The following ZNF407 variants were observed in gnomAD, a reference collection of about 807,000 sequenced individuals.
ZNF407 encodes zinc finger protein 407.
A neutral mutation model predicts 131.2 loss-of-function variants in ZNF407; 17 were observed. That is an observed-to-expected ratio of 0.13 (90% confidence interval 0.09 to 0.19). ZNF407 has a LOEUF of 0.19. ZNF407 is among the 10% of genes least tolerant of loss of function. The probability of loss-of-function intolerance (pLI) is 1.00; values close to 1 mark genes in which losing one functional copy is unlikely to be tolerated. For synonymous variants in ZNF407, 1,156 were observed against 1,062.0 expected, an observed-to-expected ratio of 1.09 and a Z score of -1.72; for missense variants, 2,681 against 2,830.6, an observed-to-expected ratio of 0.95 and a Z score of 1.20.
intron 4 of ZNF407, among the ~76,000 whole-genome samples, chr18:74,825,758 CCTT>C (rs1360630350): frequency 6.6e-6 from 1 of 152,102 alleles, no homozygotes; most frequent in Non-Finnish European, 1.5e-5. Flanking sequence ...TGTGATCATG[CCTT>C]CTTAGCATTA....
chr18:74,833,304 T>C (rs1377587941), intron 4 of ZNF407, among the ~76,000 whole-genome samples: 1 of 152,232 alleles, frequency 6.6e-6, no homozygotes, highest in African/African-American at 2.4e-5. Flanking sequence ...TCCTGTTCTC[T>C]AGTGAGATTA....
At chr18:74,768,649 GTA>G (rs1181119318) in intron 3 of ZNF407, among the ~76,000 whole-genome samples, 1 of 152,080 alleles carries the variant, frequency 6.6e-6, no homozygotes, top group East Asian at 1.9e-4. Flanking sequence ...TCTGTATACT[GTA>G]TATAGATAGA....
In ZNF407 at chr18:75,063,202, C is replaced by T. The variant is rs1029149563; in HGVS notation, c.5481C>T (p.Phe1827=). 4.3e-6 allele frequency: 7 copies of T among 1,610,856 alleles called. No homozygotes were observed. Among genetic ancestry groups the T allele is most frequent in the Admixed American group, 3.4e-5 (2 of 59,628 alleles). Residue 1827 remains phenylalanine (F), a synonymous_variant, in exon 9 of 9, where the codon TTC becomes TTT. Coordinates refer to ENST00000299687, the MANE Select transcript of ZNF407 (RefSeq NM_017757.3). This position sits in a 1 kb window ranked among gnomAD's most constrained non-coding sequence, Gnocchi z 6.6. ...GTCTAAAGGGACAAGGAGCCACCTTCGTGGAGACAGACAGCCCCTTCACCG... is the reference window on the plus strand; with the variant it reads ...GTCTAAAGGGACAAGGAGCCACCTTTGTGGAGACAGACAGCCCCTTCACCG... The part of the protein sequence containing the change: ...ECRLKGQGAT[F]VETDSPFTAA...
At chr18:74,780,639 C>G (rs1347489784) in intron 3 of ZNF407, among the ~76,000 whole-genome samples, 1 of 152,088 alleles carries the variant, frequency 6.6e-6, no homozygotes, top group African/African-American at 2.4e-5. Flanking sequence ...AAAGTTACAG[C>G]AGTAAATTTT....
intron 3 of ZNF407, among the ~76,000 whole-genome samples, chr18:74,730,324 A>G (rs1599106099): frequency 1.3e-5 from 2 of 152,190 alleles, no homozygotes; most frequent in East Asian, 3.8e-4. Context: ...ATTCTGTTAC[A>G]TTATCAGTCA....
Position 74,831,498 on chromosome 18 carries a change from A to G in ZNF407, c.4878-45699A>G, listed in dbSNP as rs75623563. ...TTTGACAATTGTAGGAACCTTATGT[A>G]AGTGCAGTCTTATAGTATTTGTCCT... On this transcript the variant is annotated intron_variant, in intron 4 of 8. Coordinates refer to ENST00000299687, the MANE Select transcript of ZNF407 (RefSeq NM_017757.3). 9.7e-4 allele frequency among the ~76,000 whole-genome samples: 148 copies of G among 152,286 alleles called. 1 individual carries two copies. The highest frequency in any genetic ancestry group is 3.2e-3 in the African/African-American group (131 of 41,546).
intron 4 of ZNF407, among the ~76,000 whole-genome samples, chr18:74,847,920 C>G (rs1308378604): frequency 6.6e-6 from 1 of 151,332 alleles, no homozygotes; most frequent in African/African-American, 2.4e-5. Context: ...ACCTTTCATC[C>G]AAGATACACC....
At chr18:75,056,060 T>G (rs1400203556) in intron 8 of ZNF407, among the ~76,000 whole-genome samples, 1 of 152,216 alleles carries the variant, frequency 6.6e-6, no homozygotes, top group Non-Finnish European at 1.5e-5. Flanking sequence ...CAACATATTT[T>G]TATATGTTTA....
chr18:74,672,234 A>G (rs1451174465), intron 3 of ZNF407, among the ~76,000 whole-genome samples: 1 of 152,182 alleles, frequency 6.6e-6, no homozygotes, highest in Non-Finnish European at 1.5e-5. Context: ...TGACTGTTTA[A>G]TACAGTTATT....
chr18:74,858,101 C>T (rs1401947081), intron 4 of ZNF407, among the ~76,000 whole-genome samples: 1 of 145,492 alleles, frequency 6.9e-6, no homozygotes, highest in East Asian at 2.0e-4. Context: ...TCCTTCCTCC[C>T]TTCCTTTGCT....
Position 74,631,529 on chromosome 18 carries a change from G to T in ZNF407, c.510G>T (p.Pro170=). The change falls in exon 2 of 9, where the codon CCG becomes CCT. Residue 170 remains proline, a synonymous_variant. Coordinates refer to ENST00000299687, the MANE Select transcript of ZNF407 (RefSeq NM_017757.3). ...LDLERESPFP[P]KEISVSCTIG... is the part of the protein sequence containing the mutation. ...TGGAAAGAGAATCTCCTTTCCCCCC[G>T]AAAGAAATTAGTGTTAGTTGTACCA... 1.2e-6 allele frequency: 2 copies of T among 1,613,740 alleles called. No homozygotes were observed. The highest frequency in any genetic ancestry group is 1.6e-4 in the Middle Eastern group (1 of 6,062).
intron 3 of ZNF407, among the ~76,000 whole-genome samples, chr18:74,722,821 T>C (rs1481697160): frequency 6.6e-6 from 1 of 152,220 alleles, no homozygotes; most frequent in African/African-American, 2.4e-5. Context: ...TTGAGATCTG[T>C]TGACCTCTTT....
intron 8 of ZNF407, among the ~76,000 whole-genome samples, chr18:74,940,294 T>C (rs1972082347): frequency 2.0e-5 from 3 of 152,054 alleles, no homozygotes; most frequent in Non-Finnish European, 4.4e-5. Flanking sequence ...CATAACAGAA[T>C]AGGAGCTTTG....
At chr18:74,804,477 G>T in intron 4 of ZNF407, 1 of 988,052 alleles carries the variant, frequency 1.0e-6, no homozygotes, top group Non-Finnish European at 1.2e-6. Flanking sequence ...CATGGATCTT[G>T]GTTATTTGTA....
At chr18:74,849,258 T>G (rs534096935) in intron 4 of ZNF407, among the ~76,000 whole-genome samples, 1 of 151,964 alleles carries the variant, frequency 6.6e-6, no homozygotes, top group Non-Finnish European at 1.5e-5. Context: ...TTTTGTATTT[T>G]TAGTAGATAC....
chr18:75,005,706 C>T (rs1354103362), intron 8 of ZNF407, among the ~76,000 whole-genome samples: 1 of 108,916 alleles, frequency 9.2e-6, no homozygotes, highest in Non-Finnish European at 1.8e-5. Context: ...GCCACCCCCC[C>T]CACCCACCCC....
At chr18:74,836,361 A>G (rs758323687) in intron 4 of ZNF407, among the ~76,000 whole-genome samples, 1 of 152,180 alleles carries the variant, frequency 6.6e-6, no homozygotes, top group Non-Finnish European at 1.5e-5. Context: ...TATTGGTGTT[A>G]GGGATGGGCT....
chr18:74,602,665 C>T lies in ZNF407; in HGVS notation c.-54+4728C>T, dbSNP rs148116704. On this transcript the variant is annotated intron_variant, in intron 1 of 8. Transcript: ENST00000299687. ...TTTAGGATAAATAGCTTGTGCAAGG[C>T]GACACAGCTATTAAATGGTAGAGCC... is the stretch of plus-strand genomic sequence containing the variant. Among the ~76,000 whole-genome samples the T allele has an allele frequency of 6.4e-3, 981 of 152,172 alleles. 12 individuals carry two copies. Among genetic ancestry groups the T allele is most frequent in the African/African-American group, 0.022 (917 of 41,508 alleles).
In ZNF407 at chr18:74,642,751, C is replaced by T. The variant is rs144186853; in HGVS notation, c.4802+1629C>T. On this transcript the variant is annotated intron_variant, in intron 3 of 8. Transcript: ENST00000299687. Reference sequence around the variant, plus strand: ...TTGATCCTGGAGATACAGAATTGTACATGATTATACATATATCGAGTTTTA... The same window carrying T: ...TTGATCCTGGAGATACAGAATTGTATATGATTATACATATATCGAGTTTTA... Among the ~76,000 whole-genome samples, 3 of 152,168 alleles carry T rather than the reference C, an allele frequency of 2.0e-5. No homozygotes were observed. In the East Asian group the frequency reaches 5.8e-4, roughly 29 times the overall value.
Sources: gnomAD v4.1 joint callset for allele counts (sites outside exome capture counted in the v4.1 genomes callset) on GRCh38, gnomAD v4.1.1 for gene constraint, Gnocchi (gnomAD v3.1) non-coding constraint, MANE v1.5 for transcripts, NCBI Gene and HGNC (gene_info 2026-07-23, HGNC 2026-07-21) for gene names.